The following CCDC102B variants were observed in gnomAD, a reference collection of about 807,000 sequenced individuals.
CCDC102B encodes coiled-coil domain containing 102B.
Under a neutral mutation model 57.4 loss-of-function variants are expected in CCDC102B, and 75 were observed. That is an observed-to-expected ratio of 1.31 (90% CI 1.08 to 1.58). The LOEUF (loss-of-function observed/expected upper bound fraction) is 1.58, where lower values mean the gene tolerates loss of function less well. Ranked by LOEUF, CCDC102B falls within the 40% of genes most tolerant of loss-of-function variation. The probability of loss-of-function intolerance (pLI) is 0.00; values close to 1 mark genes in which losing one functional copy is unlikely to be tolerated. For missense variants in CCDC102B, 636 were observed against 582.6 expected (o/e 1.09, Z -0.94); for synonymous variants, 206 against 201.9 (o/e 1.02, Z -0.17).
chr18:68,902,936 C>T (rs1439459984), intron 6 of CCDC102B, among the ~76,000 whole-genome samples: 3 of 151,978 alleles, frequency 2.0e-5, no homozygotes, highest in Non-Finnish European at 4.4e-5. Flanking sequence ...CCCCACAACC[C>T]GGCACATTTT....
intron 7 of CCDC102B, among the ~76,000 whole-genome samples, chr18:69,022,209 ATATATATATATATAACAC>A (rs1568131062): frequency 7.1e-6 from 1 of 141,352 alleles, no homozygotes; most frequent in Non-Finnish European, 1.5e-5. Flanking sequence ...ATATATATAT[ATATATATATATATAACAC>A]ACACACACGC....
intron 4 of CCDC102B, among the ~76,000 whole-genome samples, chr18:68,862,280 G>A (rs2038794470): frequency 6.6e-6 from 1 of 152,108 alleles, no homozygotes; most frequent in African/African-American, 2.4e-5. Flanking sequence ...ACTCTAATTG[G>A]CTTTTTCCTG....
chr18:68,986,596 C>A (rs1268349037), intron 6 of CCDC102B, among the ~76,000 whole-genome samples: 1 of 151,990 alleles, frequency 6.6e-6, no homozygotes, highest in Admixed American at 6.6e-5. Context: ...CAGGCATGCC[C>A]CATCCAAATA....
chr18:69,028,120 G>T (rs2052041610), intron 7 of CCDC102B, among the ~76,000 whole-genome samples: 1 of 152,176 alleles, frequency 6.6e-6, no homozygotes, highest in African/African-American at 2.4e-5. Flanking sequence ...ATCCTGAAGT[G>T]GGTGTAGAAG....
intron 6 of CCDC102B, among the ~76,000 whole-genome samples, chr18:68,974,645 C>T (rs994210626): frequency 6.6e-6 from 1 of 151,534 alleles, no homozygotes; most frequent in South Asian, 2.1e-4. Flanking sequence ...CCCTTAATGA[C>T]CATGAGGTTA....
chr18:69,030,362 A>C (rs2052105950), intron 7 of CCDC102B, among the ~76,000 whole-genome samples: 1 of 152,234 alleles, frequency 6.6e-6, no homozygotes, highest in Non-Finnish European at 1.5e-5. Flanking sequence ...ATTATACAGG[A>C]AATTAATCAA....
chr18:68,962,283 T>G (rs897831544), intron 6 of CCDC102B, among the ~76,000 whole-genome samples: 2 of 152,106 alleles, frequency 1.3e-5, no homozygotes, highest in South Asian at 2.1e-4. Flanking sequence ...ATGGATACCT[T>G]ACAAACCTAT....
At chr18:68,860,478 A>ACACAAAAC in intron 4 of CCDC102B, among the ~76,000 whole-genome samples, 1 of 97,830 alleles carries the variant, frequency 1.0e-5, no homozygotes, top group Non-Finnish European at 2.2e-5. Context: ...ACAAAAACAA[A>ACACAAAAC]AAAAAAAAAA....
intron 6 of CCDC102B, among the ~76,000 whole-genome samples, chr18:68,957,764 A>AT (rs778302921): frequency 1.7e-4 from 26 of 152,010 alleles, no homozygotes; most frequent in Non-Finnish European, 2.9e-4. Context: ...ATATCTTTCC[A>AT]TTTTTTGGTA....
intron 6 of CCDC102B, among the ~76,000 whole-genome samples, chr18:68,911,639 C>A (rs58586030): frequency 0.29 from 41,584 of 144,414 alleles, 7,770 homozygotes; most frequent in African/African-American, 0.57. Context: ...GTAGTCCCAG[C>A]TACTCGAGAG....
chr18:69,006,700 C>T (rs536207592), intron 6 of CCDC102B, among the ~76,000 whole-genome samples: 4 of 151,918 alleles, frequency 2.6e-5, no homozygotes, highest in East Asian at 3.9e-4. Context: ...GCCTCAGCCT[C>T]CCAAAGCTCT....
At chr18:68,843,805 A>C (rs1436102201) in intron 3 of CCDC102B, among the ~76,000 whole-genome samples, 1 of 152,004 alleles carries the variant, frequency 6.6e-6, no homozygotes, top group African/African-American at 2.4e-5. Flanking sequence ...TATAAATTGA[A>C]CTATATTATT....
chr18:68,835,610 A>G (rs1466712199), intron 1 of CCDC102B, among the ~76,000 whole-genome samples: 1 of 152,212 alleles, frequency 6.6e-6, no homozygotes, highest in Non-Finnish European at 1.5e-5. Context: ...TGAAAATAAC[A>G]GAAAACTCAA....
intron 1 of CCDC102B, among the ~76,000 whole-genome samples, chr18:68,830,690 T>G (rs2037109748): frequency 6.7e-6 from 1 of 149,026 alleles, no homozygotes; most frequent in South Asian, 2.1e-4. Context: ...TAAGCTCAAA[T>G]GTATGACATA....
intron 4 of CCDC102B, among the ~76,000 whole-genome samples, chr18:68,868,049 T>G (rs180694846): frequency 1.3e-5 from 2 of 152,282 alleles, no homozygotes; most frequent in East Asian, 3.9e-4. Context: ...ATATTATTTC[T>G]CAATGATATT....
intron 1 of CCDC102B, among the ~76,000 whole-genome samples, chr18:68,800,009 A>T (rs1433429822): frequency 6.6e-6 from 1 of 152,072 alleles, no homozygotes; most frequent in Non-Finnish European, 1.5e-5. Context: ...CATAATCATC[A>T]TCATCATCAT....
intron 6 of CCDC102B, among the ~76,000 whole-genome samples, chr18:68,935,939 C>A (rs2049225267): frequency 6.6e-6 from 1 of 151,896 alleles, no homozygotes; most frequent in African/African-American, 2.4e-5. Flanking sequence ...CTTAGTGCTC[C>A]ACATCTCATT....
rs762154731 is a variant in CCDC102B, at chr18:68,846,339, TAGAG to T, written c.858_861del (p.Glu286AspfsTer16). On this transcript the variant is annotated frameshift_variant, in exon 4 of 8. Coordinates refer to ENST00000360242, the MANE Select transcript of CCDC102B (RefSeq NM_024781.3). LOFTEE classifies it high-confidence loss of function. The stretch of plus-strand genomic sequence containing the variant: ...ATGCGCACAGCTTTGGAAAAAGAAA[TAGAG>T]AGACTGGAGTCGGCTTTGTCTCTGT... 1.9e-6 allele frequency: 3 copies of T among 1,575,440 alleles called. No homozygotes were observed. The highest frequency in any genetic ancestry group is 8.6e-7 in the Non-Finnish European group (1 of 1,165,132).
At chr18:68,919,890 A>G (rs1445963647) in intron 6 of CCDC102B, among the ~76,000 whole-genome samples, 1 of 152,194 alleles carries the variant, frequency 6.6e-6, no homozygotes, top group Non-Finnish European at 1.5e-5. Flanking sequence ...TTACTAAGAT[A>G]TATGAATACT....
Sources: gnomAD v4.1 joint callset for allele counts (sites outside exome capture counted in the v4.1 genomes callset) on GRCh38, gnomAD v4.1.1 for gene constraint, MANE v1.5 for transcripts, NCBI Gene and HGNC (gene_info 2026-07-23, HGNC 2026-07-21) for gene names.